The following CLIC5 variants were observed in gnomAD, a reference collection of about 807,000 sequenced individuals.
CLIC5 encodes the protein CLIC family member 5, also known as chloride intracellular channel protein 5.
In CLIC5, 20 loss-of-function variants were observed where a neutral mutation model predicts 24.7. The observed-to-expected ratio is 0.81, with a 90% confidence interval of 0.57 to 1.18. The LOEUF (loss-of-function observed/expected upper bound fraction) is 1.18, where lower values mean the gene tolerates loss of function less well. Among genes scored for constraint, CLIC5 ranks in the 50% most tolerant of loss-of-function variants. CLIC5 has a pLI of 0.00. For synonymous variants in CLIC5, 159 were observed against 135.6 expected (o/e 1.17, Z -1.20); for missense variants, 341 against 326.1 (o/e 1.05, Z -0.35).
chr6:45,985,114 A>G (rs1041837268), intron 1 of CLIC5, among the ~76,000 whole-genome samples: 1 of 152,192 alleles, frequency 6.6e-6, no homozygotes, highest in Non-Finnish European at 1.5e-5. Flanking sequence ...TCTAGAAGCT[A>G]AGCCCTGGCA....
At chr6:46,122,755 G>A in the CLIC5 span, among the ~76,000 whole-genome samples, 1 of 151,822 alleles carries the variant, frequency 6.6e-6, no homozygotes, top group Non-Finnish European at 1.5e-5. Context: ...GGATACCACC[G>A]CCGATCCCAC....
intron 5 of CLIC5, among the ~76,000 whole-genome samples, chr6:45,904,971 G>A (rs1032790153): frequency 4.6e-5 from 7 of 151,978 alleles, no homozygotes; most frequent in Non-Finnish European, 1.0e-4. Context: ...GTGAGAACAT[G>A]TAGTTTCATG....
chr6:46,035,885 C>A (rs1767644703), intron 1 of CLIC5, among the ~76,000 whole-genome samples: 1 of 152,120 alleles, frequency 6.6e-6, no homozygotes, highest in Non-Finnish European at 1.5e-5. Context: ...GCTGGGACTA[C>A]AGGTGCGTGC....
chr6:45,941,529 TGGAA>T lies in CLIC5; in HGVS notation c.406+14_406+17del, dbSNP rs1764129894. On this transcript the variant is annotated intron_variant, in intron 4 of 5. Coordinates refer to ENST00000339561, the MANE Select transcript of CLIC5 (RefSeq NM_016929.5). ...ATAGACCACTGCCAAGGGTTCTTGG[TGGAA>T]GGGAGTCACTCACCAGCATTGTTCT... 6.3e-7 allele frequency: 1 copy of T among 1,582,766 alleles called. No individual in the cohort carries two copies. The highest frequency in any genetic ancestry group is 8.7e-7 in the Non-Finnish European group (1 of 1,151,674).
downstream of CLIC5, among the ~76,000 whole-genome samples, chr6:45,896,766 C>T (rs1561913292): frequency 6.6e-6 from 1 of 152,132 alleles, no homozygotes. Flanking sequence ...CTTCACAGAA[C>T]CGTTAAGGAA....
intron 1 of CLIC5, among the ~76,000 whole-genome samples, chr6:46,055,528 G>A (rs964744835): frequency 9.2e-5 from 14 of 152,200 alleles, no homozygotes; most frequent in East Asian, 1.9e-4. Flanking sequence ...GTGAGCCACC[G>A]CGCCAGGCCA....
intron 1 of CLIC5, among the ~76,000 whole-genome samples, chr6:45,988,760 T>C (rs1436239655): frequency 1.3e-5 from 2 of 152,234 alleles, no homozygotes; most frequent in Non-Finnish European, 2.9e-5. Context: ...CTTCTCAAGT[T>C]CCTCCCTTGC....
intron 1 of CLIC5, among the ~76,000 whole-genome samples, chr6:45,989,439 C>T (rs1217799875): frequency 6.6e-6 from 1 of 152,096 alleles, no homozygotes; most frequent in Non-Finnish European, 1.5e-5. Flanking sequence ...TAAGAAAAAT[C>T]CCCAAATTGA....
intron 1 of CLIC5, among the ~76,000 whole-genome samples, chr6:45,977,859 A>G (rs1367840985): frequency 6.6e-6 from 1 of 152,238 alleles, no homozygotes; most frequent in Non-Finnish European, 1.5e-5. Flanking sequence ...TTCACTTGAC[A>G]AATACTAAAC....
chr6:46,084,606 C>G (rs1762991160), upstream of CLIC5, among the ~76,000 whole-genome samples: 3 of 152,232 alleles, frequency 2.0e-5, no homozygotes, highest in Non-Finnish European at 4.4e-5. Flanking sequence ...TTGGCCCCCA[C>G]TCTCTTCTGG....
In CLIC5 at chr6:45,987,747, G is replaced by A. The variant is rs181639149; in HGVS notation, c.63+27733C>T. Among the ~76,000 whole-genome samples, 68 of 152,300 alleles carry A rather than the reference G, an allele frequency of 4.5e-4. No homozygotes were observed. The East Asian group carries it at 0.012, about 28-fold the overall frequency. On this transcript the variant is annotated intron_variant, in intron 1 of 5. Transcript: ENST00000339561. Reference sequence around the variant, plus strand: ...AGAGGGAGAAGGAGAGGGAGAGAGAGAGAGAATATCTCTCTTCCTCTTGTT... The same window carrying A: ...AGAGGGAGAAGGAGAGGGAGAGAGAAAGAGAATATCTCTCTTCCTCTTGTT...
intron 1 of CLIC5, among the ~76,000 whole-genome samples, chr6:46,007,910 T>A (rs1387899719): frequency 8.2e-6 from 1 of 122,576 alleles, no homozygotes; most frequent in African/African-American, 3.0e-5. Flanking sequence ...GTTTTTTTTC[T>A]TTTTCTTTTT....
chr6:46,060,396 A>G (rs1246204568), intron 1 of CLIC5, among the ~76,000 whole-genome samples: 1 of 152,190 alleles, frequency 6.6e-6, no homozygotes, highest in African/African-American at 2.4e-5. Context: ...TGTAAATACA[A>G]GTAAAAACAA....
intron 1 of CLIC5, among the ~76,000 whole-genome samples, chr6:45,964,460 A>G (rs1255076611): frequency 3.3e-5 from 5 of 152,102 alleles, no homozygotes; most frequent in South Asian, 2.1e-4. Flanking sequence ...AAGTGACACA[A>G]TGTGTGACTT....
chr6:45,993,734 A>T (rs1011219158), intron 1 of CLIC5, among the ~76,000 whole-genome samples: 1 of 152,242 alleles, frequency 6.6e-6, no homozygotes, highest in African/African-American at 2.4e-5. Context: ...AGGAGAAGGT[A>T]AAAACAAGGG....
chr6:45,951,228 A>G (rs1313564861), intron 2 of CLIC5, among the ~76,000 whole-genome samples: 1 of 152,210 alleles, frequency 6.6e-6, no homozygotes, highest in African/African-American at 2.4e-5. Context: ...CCAAAGCAAC[A>G]GTGCATTTCT....
At chr6:45,951,933 A>G (rs1262129407) in intron 2 of CLIC5, among the ~76,000 whole-genome samples, 1 of 152,240 alleles carries the variant, frequency 6.6e-6, no homozygotes, top group East Asian at 1.9e-4. Flanking sequence ...TGGAACTCAG[A>G]CAACTGAGAC....
At chr6:45,991,382 A>T (rs1765937780) in intron 1 of CLIC5, among the ~76,000 whole-genome samples, 2 of 152,160 alleles carry the variant, frequency 1.3e-5, no homozygotes, top group Non-Finnish European at 2.9e-5. Context: ...CTCAATCCTA[A>T]AACTGCAAGA....
intron 1 of CLIC5, among the ~76,000 whole-genome samples, chr6:46,068,228 A>G (rs1762496642): frequency 6.6e-6 from 1 of 152,130 alleles, no homozygotes. Flanking sequence ...ACAATACCCT[A>G]TCTTTAGACT....
Sources: allele counts gnomAD v4.1 joint callset (sites outside exome capture counted in the v4.1 genomes callset), GRCh38; gene constraint gnomAD v4.1.1; transcripts MANE v1.5; gene names NCBI Gene and HGNC (gene_info 2026-07-23, HGNC 2026-07-21).